The following ZFYVE28 variants were observed in gnomAD, a reference collection of about 807,000 sequenced individuals.
ZFYVE28 encodes zinc finger FYVE-type containing 28, also known as lateral signaling target protein 2 homolog.
A neutral mutation model predicts 82.1 loss-of-function variants in ZFYVE28; 40 were observed. The observed-to-expected ratio is 0.49, with a 90% CI of 0.38 to 0.63. The LOEUF (loss-of-function observed/expected upper bound fraction) is 0.63. Among genes scored for constraint, ZFYVE28 ranks in the 30% least tolerant of loss-of-function variants. The probability of loss-of-function intolerance (pLI) is 0.00; values close to 1 mark genes in which losing one functional copy is unlikely to be tolerated. For missense variants in ZFYVE28, 1,321 were observed against 1,242.1 expected, an observed-to-expected ratio of 1.06 and a Z score of -0.96; for synonymous variants, 612 against 546.1, an observed-to-expected ratio of 1.12 and a Z score of -1.68.
rs1467580932 is a variant in ZFYVE28, at chr4:2,304,506, C to T, written c.1834G>A (p.Glu612Lys). The change falls in exon 8 of 13, where the codon GAG becomes AAG. Residue 612 changes from glutamate (E) to lysine (K), a missense_variant. Physicochemically the swap from Glu to Lys is moderately conservative, Grantham distance 56 (BLOSUM62 1). This residue lies in a region of ZFYVE28 where 978 missense variants were observed against 833.7 expected (regional missense o/e 1.17). Coordinates refer to ENST00000290974, the MANE Select transcript of ZFYVE28 (RefSeq NM_020972.3). ...GCATCTTCTGAGGGTGGGGGCGCCTCCTCCTGTCTCTCAGGGGCCCTGTCG... is the reference window on the plus strand; with the variant it reads ...GCATCTTCTGAGGGTGGGGGCGCCTTCTCCTGTCTCTCAGGGGCCCTGTCG... ...ASDRAPERQE[E>K]APPPSEDASN... is the part of the protein sequence containing the mutation. 3 of 1,612,502 alleles carry T rather than the reference C, an allele frequency of 1.9e-6. No homozygotes were observed. The highest frequency in any genetic ancestry group is 2.5e-6 in the Non-Finnish European group (3 of 1,179,596).
chr4:2,340,010 T>A (rs1722532190), intron 3 of ZFYVE28, among the ~76,000 whole-genome samples: 1 of 151,770 alleles, frequency 6.6e-6, no homozygotes, highest in Non-Finnish European at 1.5e-5. Flanking sequence ...GGAACCCTGG[T>A]CATGTGACTC....
intron 1 of ZFYVE28, among the ~76,000 whole-genome samples, chr4:2,357,187 G>A (rs986591674): frequency 8.5e-5 from 13 of 152,146 alleles, no homozygotes; most frequent in South Asian, 4.1e-4. Context: ...GTGAGCCACC[G>A]CACCCAGCGC....
chr4:2,333,277 G>GC (rs1352204697), intron 6 of ZFYVE28, among the ~76,000 whole-genome samples: 1 of 89,066 alleles, frequency 1.1e-5, no homozygotes, highest in Non-Finnish European at 2.2e-5. Flanking sequence ...TCCCCAAGCT[G>GC]CCCCCCCACC....
At chr4:2,382,601 C>T (rs1211297864) in intron 1 of ZFYVE28, among the ~76,000 whole-genome samples, 1 of 152,190 alleles carries the variant, frequency 6.6e-6, no homozygotes, top group Non-Finnish European at 1.5e-5. Flanking sequence ...GTACCCAATA[C>T]CTGTACCCCC....
At chr4:2,399,083 A>AGGTGAGATCCAGGGCACAAGAGTGG (rs1297197658) in intron 1 of ZFYVE28, among the ~76,000 whole-genome samples, 1 of 117,502 alleles carries the variant, frequency 8.5e-6, no homozygotes, top group Non-Finnish European at 1.7e-5. Flanking sequence ...CACAAGCGTG[A>AGGTGAGATCCAGGGCACAAGAGTGG]AGGTGAGATC....
Position 2,362,606 on chromosome 4 carries a change from A to G in ZFYVE28, c.40-8533T>C, listed in dbSNP as rs562822223. Among the ~76,000 whole-genome samples, 1 of 151,974 alleles carries G rather than the reference A, an allele frequency of 6.6e-6. No homozygotes were observed. The highest frequency in any genetic ancestry group is 6.5e-5 in the Admixed American group (1 of 15,270). ...AAGGCAGGCCTCATCCACAGCAGAC[A>G]CCCCAGGGGCTGCCAGGCTGGGGGC... is the stretch of plus-strand genomic sequence containing the variant. On this transcript the variant is annotated intron_variant, in intron 1 of 12. Coordinates refer to ENST00000290974, the MANE Select transcript of ZFYVE28 (RefSeq NM_020972.3). The surrounding 1 kb of genome is among the most constrained non-coding windows in gnomAD (Gnocchi z 5.1).
intron 4 of ZFYVE28, among the ~76,000 whole-genome samples, chr4:2,338,140 G>A (rs746552399): frequency 1.6e-4 from 24 of 152,210 alleles, no homozygotes; most frequent in African/African-American, 2.4e-4. Flanking sequence ...TGAACAACCC[G>A]CAGCCCCACA....
intron 7 of ZFYVE28, 43 bp from the exon 8 acceptor site, chr4:2,305,579 C>A: frequency 6.2e-7 from 1 of 1,610,612 alleles, no homozygotes; most frequent in Non-Finnish European, 8.5e-7. Context: ...TCCCAAAAGC[C>A]ACACCAGCCT....
intron 1 of ZFYVE28, among the ~76,000 whole-genome samples, chr4:2,393,322 G>C (rs1395513220): frequency 6.6e-6 from 1 of 152,248 alleles, no homozygotes; most frequent in Non-Finnish European, 1.5e-5. Context: ...TAATGCCACA[G>C]GCAGCACTAA....
chr4:2,288,669 T>G (rs1468377289), intron 8 of ZFYVE28, among the ~76,000 whole-genome samples: 1 of 152,264 alleles, frequency 6.6e-6, no homozygotes, highest in Non-Finnish European at 1.5e-5. Context: ...GGGCCTTAGT[T>G]TACTTGTCTG....
At chr4:2,349,106 GTGCT>G (rs879493568) in intron 2 of ZFYVE28, among the ~76,000 whole-genome samples, 18 of 152,192 alleles carry the variant, frequency 1.2e-4, no homozygotes, top group Admixed American at 8.5e-4. Flanking sequence ...GTCTCTTTCA[GTGCT>G]ATAGATAATT....
At chr4:2,370,421 C>A (rs1180534931) in intron 1 of ZFYVE28, among the ~76,000 whole-genome samples, 1 of 152,182 alleles carries the variant, frequency 6.6e-6, no homozygotes, top group Non-Finnish European at 1.5e-5. Flanking sequence ...GGATGGGGTG[C>A]CCTGGGCCCA....
At chr4:2,406,740 T>C (rs1731966954) in intron 1 of ZFYVE28, 1 of 152,330 alleles carries the variant, frequency 6.6e-6, no homozygotes, top group African/African-American at 2.4e-5. Flanking sequence ...CTCCCTGTGA[T>C]GCCTGACTTA....
rs968914099 is a variant in ZFYVE28, at chr4:2,320,109, C to A, written c.803+61G>T. 13 of 1,526,540 alleles carry A rather than the reference C, an allele frequency of 8.5e-6. No homozygotes were observed. The highest frequency in any genetic ancestry group is 1.1e-5 in the Non-Finnish European group (12 of 1,105,372). The allele number at this position is 1,526,540 out of a possible 1,614,324, so 94.6% of individuals were successfully genotyped here. On this transcript the variant is annotated intron_variant, in intron 7 of 12. Transcript: ENST00000290974. The surrounding 1 kb of genome is among the most constrained non-coding windows in gnomAD (Gnocchi z 5.1). The stretch of plus-strand genomic sequence containing the variant: ...AGGCGGCGGCTAAACATGACTTCAG[C>A]GCCCACCTGTGGCCCTCCTGTCCCC...
intron 5 of ZFYVE28, among the ~76,000 whole-genome samples, chr4:2,336,835 A>C (rs1721830328): frequency 1.5e-5 from 2 of 130,376 alleles, no homozygotes; most frequent in African/African-American, 3.1e-5. Context: ...GGAGGTGAGG[A>C]GTGAGGAGGT....
chr4:2,276,545 C>T (rs1447875115), intron 8 of ZFYVE28, among the ~76,000 whole-genome samples: 1 of 152,148 alleles, frequency 6.6e-6, no homozygotes, highest in East Asian at 1.9e-4. Flanking sequence ...GGCCAAGAGA[C>T]GGCAGCAACT....
intron 1 of ZFYVE28, among the ~76,000 whole-genome samples, chr4:2,370,105 T>C (rs1727370805): frequency 6.6e-6 from 1 of 151,840 alleles, no homozygotes; most frequent in Admixed American, 6.6e-5. Context: ...GCCTTAGCCT[T>C]CCGAAGTGCT....
At chr4:2,289,282 T>TAATTA (rs1291256568) in intron 8 of ZFYVE28, among the ~76,000 whole-genome samples, 1 of 152,196 alleles carries the variant, frequency 6.6e-6, no homozygotes, top group Non-Finnish European at 1.5e-5. Flanking sequence ...CCTGCCTCAA[T>TAATTA]AATTAAATTA....
intron 2 of ZFYVE28, 30 bp downstream of exon 2, chr4:2,353,903 C>T: frequency 6.8e-7 from 1 of 1,470,626 alleles, no homozygotes; most frequent in Admixed American, 2.3e-5. Context: ...CCCAGCGGGG[C>T]CAGCCAGCTT....
Sources: gnomAD v4.1 joint callset for allele counts (sites outside exome capture counted in the v4.1 genomes callset) on GRCh38, gnomAD v4.1.1 for gene constraint, gnomAD v4.1.1 regional missense constraint, Gnocchi (gnomAD v3.1) non-coding constraint, MANE v1.5 for transcripts, NCBI Gene and HGNC (gene_info 2026-07-23, HGNC 2026-07-21) for gene names.